The following DLGAP2 variants were observed in gnomAD, a reference collection of about 807,000 sequenced individuals.
DLGAP2 encodes the protein disks large-associated protein 2.
DLGAP2 carries 26 observed loss-of-function variants against 100.3 expected under a neutral mutation model. The observed-to-expected ratio is 0.26, with a 90% CI of 0.19 to 0.36. The LOEUF (loss-of-function observed/expected upper bound fraction) is 0.36, where lower values mean the gene tolerates loss of function less well. DLGAP2 is among the 10% of genes least tolerant of loss of function. DLGAP2 has a pLI of 1.00. For synonymous variants in DLGAP2, 886 were observed against 630.1 expected (o/e 1.41, Z -6.08); for missense variants, 1,858 against 1,453.2 (o/e 1.28, Z -4.53).
chr8:1,207,492 G>C (rs1214890586), intron 2 of DLGAP2, among the ~76,000 whole-genome samples: 1 of 152,146 alleles, frequency 6.6e-6, no homozygotes, highest in Admixed American at 6.5e-5. Context: ...ATAGGCATTT[G>C]GGCTGGTTCT....
intron 3 of DLGAP2, among the ~76,000 whole-genome samples, chr8:1,497,245 T>A (rs1468432711): frequency 6.6e-6 from 1 of 152,200 alleles, no homozygotes; most frequent in Non-Finnish European, 1.5e-5. Context: ...GCGATGGAAA[T>A]GTGAGGTCAG....
At chr8:1,217,216 T>A (rs1798232138) in intron 2 of DLGAP2, among the ~76,000 whole-genome samples, 1 of 152,146 alleles carries the variant, frequency 6.6e-6, no homozygotes, top group Non-Finnish European at 1.5e-5. Flanking sequence ...GAGTATTTAG[T>A]TTTCTGTCTC....
intron 4 of DLGAP2, 141 bp from the exon 5 acceptor site, chr8:1,548,482 AAAC>A (rs1801626094): frequency 5.6e-5 from 31 of 549,756 alleles, no homozygotes; most frequent in African/African-American, 1.4e-4. Flanking sequence ...AAAAAAAAAA[AAAC>A]CCACAAATCT....
At chr8:1,459,770 C>G (rs533459122) in intron 3 of DLGAP2, among the ~76,000 whole-genome samples, 13 of 150,356 alleles carry the variant, frequency 8.6e-5, no homozygotes, top group African/African-American at 2.7e-4. Context: ...ACTGCAACCT[C>G]TGCCTCCCAG....
intron 3 of DLGAP2, among the ~76,000 whole-genome samples, chr8:1,316,903 C>T (rs1445154697): frequency 2.6e-4 from 31 of 117,094 alleles, no homozygotes; most frequent in Middle Eastern, 6.7e-3. Flanking sequence ...AGAGCGTGTG[C>T]GAGTGCAGCG....
chr8:1,012,506 C>T (rs111252506), intron 2 of DLGAP2, among the ~76,000 whole-genome samples: 12 of 147,686 alleles, frequency 8.1e-5, no homozygotes, highest in South Asian at 4.4e-4. Flanking sequence ...CCCACTTCAG[C>T]GGCAGTGTGG....
chr8:1,695,938 G>A (rs1799387215), intron 13 of DLGAP2, among the ~76,000 whole-genome samples: 2 of 152,230 alleles, frequency 1.3e-5, no homozygotes, highest in Admixed American at 6.5e-5. Flanking sequence ...GTGCCTGGGG[G>A]GGCTTTGAGT....
intron 2 of DLGAP2, among the ~76,000 whole-genome samples, chr8:1,068,838 C>G (rs1445398273): frequency 6.6e-6 from 1 of 152,148 alleles, no homozygotes; most frequent in Non-Finnish European, 1.5e-5. Flanking sequence ...AGCCCATCCT[C>G]TCCCTGAGCT....
At chr8:800,859 G>A (rs967006906) in intron 1 of DLGAP2, among the ~76,000 whole-genome samples, 1 of 152,140 alleles carries the variant, frequency 6.6e-6, no homozygotes, top group Non-Finnish European at 1.5e-5. Context: ...GCGTCTCCAA[G>A]GCCGGGTCTG....
At chr8:1,309,695 A>C (rs909945751) in intron 3 of DLGAP2, among the ~76,000 whole-genome samples, 23 of 152,230 alleles carry the variant, frequency 1.5e-4, no homozygotes, top group Non-Finnish European at 3.4e-4. Context: ...CAACAAGATT[A>C]TGTATTTGGT....
intron 2 of DLGAP2, among the ~76,000 whole-genome samples, chr8:975,892 A>T (rs1230093125): frequency 6.6e-6 from 1 of 151,628 alleles, no homozygotes; most frequent in Non-Finnish European, 1.5e-5. Context: ...AGCTGTACAG[A>T]CCAAGACGGG....
chr8:1,323,502 C>T (rs1480267016), intron 3 of DLGAP2, among the ~76,000 whole-genome samples: 1 of 152,166 alleles, frequency 6.6e-6, no homozygotes, highest in African/African-American at 2.4e-5. Flanking sequence ...CCTGCTGTAC[C>T]AGGTTGCAGA....
chr8:817,014 G>C (rs971219895), intron 1 of DLGAP2, among the ~76,000 whole-genome samples: 1 of 151,962 alleles, frequency 6.6e-6, no homozygotes, highest in African/African-American at 2.4e-5. Context: ...GGTGGTGGGC[G>C]CCTGTAGTCC....
At chr8:1,299,136 A>G (rs913453468) in intron 3 of DLGAP2, among the ~76,000 whole-genome samples, 2 of 152,160 alleles carry the variant, frequency 1.3e-5, no homozygotes, top group African/African-American at 2.4e-5. Context: ...GAAGCAGGCA[A>G]TATTAAGTAT....
intron 3 of DLGAP2, among the ~76,000 whole-genome samples, chr8:1,426,737 A>T (rs1037172976): frequency 3.3e-5 from 5 of 152,232 alleles, no homozygotes; most frequent in African/African-American, 9.6e-5. Flanking sequence ...ATATGCAAGA[A>T]GATGGTCAAA....
At chr8:1,468,726 G>C (rs1278581790) in intron 3 of DLGAP2, among the ~76,000 whole-genome samples, 1 of 151,354 alleles carries the variant, frequency 6.6e-6, no homozygotes. Context: ...GCATCTTCTC[G>C]CCATTCTGGA....
intron 2 of DLGAP2, among the ~76,000 whole-genome samples, chr8:1,089,595 T>C (rs903810451): frequency 4.6e-5 from 7 of 152,180 alleles, no homozygotes; most frequent in Admixed American, 2.6e-4. Flanking sequence ...CTGCTCAGAG[T>C]TGGGTTGGAA....
chr8:807,549 G>T (rs1197529704), intron 1 of DLGAP2, among the ~76,000 whole-genome samples: 6 of 78,398 alleles, frequency 7.7e-5, no homozygotes, highest in Admixed American at 3.2e-4. Context: ...TCATTCATAC[G>T]TTCTCTCTCC....
intron 2 of DLGAP2, among the ~76,000 whole-genome samples, chr8:955,508 C>T (rs1799576678): frequency 6.6e-6 from 1 of 152,070 alleles, no homozygotes; most frequent in African/African-American, 2.4e-5. Context: ...TCCTTGATCC[C>T]CATTTCTGAG....
Sources: allele counts gnomAD v4.1 joint callset (sites outside exome capture counted in the v4.1 genomes callset), GRCh38; gene constraint gnomAD v4.1.1; transcripts MANE v1.5; gene names NCBI Gene and HGNC (gene_info 2026-07-23, HGNC 2026-07-21).